The following ACOXL variants were observed in gnomAD, a reference collection of about 807,000 sequenced individuals.
ACOXL encodes the protein acyl-coenzyme A oxidase-like protein.
Under a neutral mutation model 71.9 loss-of-function variants are expected in ACOXL, and 70 were observed. The observed-to-expected ratio is 0.97, with a 90% CI of 0.80 to 1.19. ACOXL has a LOEUF of 1.19. ACOXL is among the 50% of genes most tolerant of loss of function. The pLI, the probability that ACOXL is intolerant of heterozygous loss-of-function variation, is 0.00. For missense variants in ACOXL, 703 were observed against 736.3 expected, an observed-to-expected ratio of 0.95 and a Z score of 0.52; for synonymous variants, 253 against 281.6, an observed-to-expected ratio of 0.90 and a Z score of 1.02.
At chr2:110,791,043 C>G (rs1684586682) in intron 3 of ACOXL, among the ~76,000 whole-genome samples, 1 of 152,278 alleles carries the variant, frequency 6.6e-6, no homozygotes, top group South Asian at 2.1e-4. Context: ...ATGCCCCTCC[C>G]AGAAGGCACC....
intron 13 of ACOXL, among the ~76,000 whole-genome samples, chr2:110,995,033 T>C (rs985183663): frequency 6.6e-6 from 1 of 151,426 alleles, no homozygotes; most frequent in Admixed American, 6.6e-5. Flanking sequence ...CAATTCCTGA[T>C]ATATAATATA....
chr2:110,801,795 C>G, intron 8 of ACOXL, 71 bp downstream of exon 8: 2 of 1,375,734 alleles, frequency 1.5e-6, no homozygotes, highest in Non-Finnish European at 2.1e-6. Context: ...TGGCTTGGGT[C>G]TTGGGTCTCA....
chr2:111,014,762 C>T (rs981752379), intron 14 of ACOXL, among the ~76,000 whole-genome samples: 1 of 152,298 alleles, frequency 6.6e-6, no homozygotes, highest in Admixed American at 6.5e-5. Flanking sequence ...ATGGTACTGG[C>T]ATCAGAATAA....
intron 10 of ACOXL, among the ~76,000 whole-genome samples, chr2:110,903,138 A>G (rs1026488686): frequency 2.6e-5 from 4 of 152,244 alleles, no homozygotes; most frequent in South Asian, 2.1e-4. Context: ...ACTGGTTGCA[A>G]TGGTACTGCA....
intron 12 of ACOXL, 51 bp from the exon 13 acceptor site, chr2:110,987,057 C>G (rs1188940419): frequency 1.4e-6 from 2 of 1,443,962 alleles, no homozygotes; most frequent in Admixed American, 4.0e-5. Flanking sequence ...ATTAAAGATA[C>G]TGTCATTTTT....
At chr2:110,789,491 G>A (rs1470038816) in intron 3 of ACOXL, among the ~76,000 whole-genome samples, 1 of 152,146 alleles carries the variant, frequency 6.6e-6, no homozygotes, top group African/African-American at 2.4e-5. Flanking sequence ...AGATCATGGT[G>A]CCAGCATGGT....
intron 9 of ACOXL, among the ~76,000 whole-genome samples, chr2:110,826,974 C>G (rs1019222723): frequency 1.6e-4 from 24 of 152,094 alleles, no homozygotes; most frequent in African/African-American, 5.3e-4. Flanking sequence ...GGTGTGGTGG[C>G]ACCAGAACAT....
chr2:111,111,121 A>G (rs1469291079), intron 17 of ACOXL, among the ~76,000 whole-genome samples: 1 of 152,074 alleles, frequency 6.6e-6, no homozygotes, highest in African/African-American at 2.4e-5. Context: ...TTTTTTTTAA[A>G]CAGGATCTCA....
Position 110,785,280 on chromosome 2 carries a change from A to G in ACOXL, c.159+465A>G, listed in dbSNP as rs188135083. Among the ~76,000 whole-genome samples the G allele has an allele frequency of 1.0e-3, 154 of 152,268 alleles. 1 individual carries two copies. The highest frequency in any genetic ancestry group is 3.5e-3 in the African/African-American group (147 of 41,544). On this transcript the variant is annotated intron_variant, in intron 3 of 17. Coordinates refer to ENST00000439055, the MANE Select transcript of ACOXL (RefSeq NM_001142807.4). ...CATGGTGACATCTTATGTAGCAGTA[A>G]TGCAATGTAAAATCAGGAAATCAAT... is the stretch of plus-strand genomic sequence containing the variant.
chr2:110,842,109 A>G (rs1315953457), intron 10 of ACOXL, among the ~76,000 whole-genome samples: 3 of 152,174 alleles, frequency 2.0e-5, no homozygotes, highest in Admixed American at 6.5e-5. Flanking sequence ...CCCACAGACA[A>G]CCTAAAGTCA....
rs183610609 is a variant in ACOXL, at chr2:111,005,481, T to A, written c.1281+9477T>A. On this transcript the variant is annotated intron_variant, in intron 14 of 17. Coordinates refer to ENST00000439055, the MANE Select transcript of ACOXL (RefSeq NM_001142807.4). ...AGAAAAATGACTGCCGCCCACAGTTTTTATTGTTGTGGTCAGTGTGCAACC... is the reference window on the plus strand; with the variant it reads ...AGAAAAATGACTGCCGCCCACAGTTATTATTGTTGTGGTCAGTGTGCAACC... Among the ~76,000 whole-genome samples, 26 of 152,320 alleles carry A rather than the reference T, an allele frequency of 1.7e-4. No homozygotes were observed. The East Asian group carries it at 3.7e-3, about 21-fold the overall frequency.
intron 17 of ACOXL, among the ~76,000 whole-genome samples, chr2:111,103,919 T>C (rs1359436116): frequency 3.9e-5 from 6 of 152,186 alleles, no homozygotes; most frequent in Admixed American, 2.0e-4. Context: ...ATGACATTGA[T>C]ACAGTGAAGA....
chr2:111,028,444 C>T (rs2065115692), intron 14 of ACOXL, among the ~76,000 whole-genome samples: 1 of 151,996 alleles, frequency 6.6e-6, no homozygotes. Flanking sequence ...GTTTAAGCCA[C>T]TGTGCCTGGC....
At chr2:110,830,337 G>C (rs1174326143) in intron 9 of ACOXL, among the ~76,000 whole-genome samples, 3 of 152,016 alleles carry the variant, frequency 2.0e-5, no homozygotes, top group East Asian at 1.9e-4. Context: ...CATATTGTAC[G>C]CATCTACATT....
At chr2:110,812,486 C>T (rs1313226805) in intron 9 of ACOXL, among the ~76,000 whole-genome samples, 3 of 152,154 alleles carry the variant, frequency 2.0e-5, no homozygotes, top group Non-Finnish European at 2.9e-5. Context: ...TCAAGTAGAC[C>T]CCACTGTCTG....
chr2:111,069,935 G>A (rs2067259668), intron 16 of ACOXL, among the ~76,000 whole-genome samples: 1 of 151,996 alleles, frequency 6.6e-6, no homozygotes, highest in Admixed American at 6.6e-5. Flanking sequence ...AAGGGGGACA[G>A]TGAGTTTGCC....
At chr2:110,802,348 A>G (rs1009589598) in intron 8 of ACOXL, among the ~76,000 whole-genome samples, 2 of 152,184 alleles carry the variant, frequency 1.3e-5, no homozygotes, top group African/African-American at 2.4e-5. Flanking sequence ...CTTTTCACAG[A>G]AGCTGAGAAA....
intron 12 of ACOXL, among the ~76,000 whole-genome samples, chr2:110,942,033 A>G (rs2060885825): frequency 6.6e-6 from 1 of 152,196 alleles, no homozygotes; most frequent in African/African-American, 2.4e-5. Context: ...AATAGCATAA[A>G]GGCCAGGAGA....
At chr2:111,065,324 C>T (rs1330503845) in intron 16 of ACOXL, among the ~76,000 whole-genome samples, 1 of 152,086 alleles carries the variant, frequency 6.6e-6, no homozygotes, top group Admixed American at 6.6e-5. Context: ...ATTAAAGAAC[C>T]TTAATCTAAG....
Sources: gnomAD v4.1 joint callset for allele counts (sites outside exome capture counted in the v4.1 genomes callset) on GRCh38, gnomAD v4.1.1 for gene constraint, MANE v1.5 for transcripts, NCBI Gene and HGNC (gene_info 2026-07-23, HGNC 2026-07-21) for gene names.